Variants in GSN observed in about 807,000 individuals in gnomAD.
GSN encodes the protein actin-depolymerizing factor.
GSN carries 56 observed loss-of-function variants against 85.7 expected under a neutral mutation model. That is an observed-to-expected ratio of 0.65 (90% CI 0.53 to 0.82). GSN has a LOEUF of 0.82. Among genes scored for constraint, GSN ranks in the 40% least tolerant of loss-of-function variants. GSN has a pLI of 0.00. For synonymous variants in GSN, 373 were observed against 399.1 expected (o/e 0.93, Z 0.78); for missense variants, 857 against 979.8 (o/e 0.87, Z 1.67).
In GSN at chr9:121,293,902, A is replaced by T. The variant is rs187310849; in HGVS notation, c.-9-8061A>T. Among the ~76,000 whole-genome samples the T allele has an allele frequency of 1.5e-3, 229 of 152,266 alleles. 1 individual carries two copies. Among genetic ancestry groups the T allele is most frequent in the Middle Eastern group, 3.4e-3 (1 of 294 alleles). ...ATTCACACAACTACCCTAGGAAAAA[A>T]GTATTATAATCCCCGTTTTATAGAT... On this transcript the variant is annotated intron_variant, in intron 2 of 17. Coordinates refer to ENST00000432226, the MANE Select transcript of GSN (RefSeq NM_198252.3).
chr9:121,223,814 C>T (rs539219812), intron 4 of GSN, among the ~76,000 whole-genome samples: 41 of 151,916 alleles, frequency 2.7e-4, no homozygotes, highest in Non-Finnish European at 1.8e-4. Context: ...CGTGTGCCAC[C>T]ACGCCGGCTA....
chr9:121,323,313 A>G (rs1481923593), intron 11 of GSN, among the ~76,000 whole-genome samples: 6 of 151,420 alleles, frequency 4.0e-5, no homozygotes, highest in African/African-American at 1.5e-4. Flanking sequence ...GAACATTGAC[A>G]CAATACTACT....
intron 4 of GSN, among the ~76,000 whole-genome samples, chr9:121,221,450 C>G (rs2054168222): frequency 6.6e-6 from 1 of 152,212 alleles, no homozygotes; most frequent in Non-Finnish European, 1.5e-5. Context: ...TGAAGACTTT[C>G]TACAGTGCAG....
intron 2 of GSN, among the ~76,000 whole-genome samples, chr9:121,285,894 T>C (rs2132716734): frequency 6.6e-6 from 1 of 152,332 alleles, no homozygotes. Context: ...AGGCAGGTTC[T>C]TCCCCCCAAA....
At position 121,302,291 on chromosome 9, in the gene GSN, G is replaced by A. The variant is rs138484710; in HGVS notation, c.196+124G>A. 664 of 1,112,626 alleles carry A rather than the reference G, an allele frequency of 6.0e-4. 3 individuals carry two copies. The African/African-American group carries it at 8.5e-3, about 14-fold the overall frequency. The allele number at this position is 1,112,626 out of a possible 1,614,324, so 68.9% of individuals were successfully genotyped here. A position where few individuals can be genotyped will look rare whatever the true frequency, so the allele number is the denominator to read the frequency against. ...CTAGTATGTGCTGGGCCCTTGACTGGTGGTTCATGCCCTGAGACGCTAGAG... is the reference window on the plus strand; with the variant it reads ...CTAGTATGTGCTGGGCCCTTGACTGATGGTTCATGCCCTGAGACGCTAGAG... On this transcript the variant is annotated intron_variant, in intron 3 of 17. Coordinates refer to ENST00000432226, the MANE Select transcript of GSN (RefSeq NM_198252.3).
At chr9:121,326,438 TG>T in intron 12 of GSN, 73 bp from the exon 13 acceptor site, 1 of 1,218,838 alleles carries the variant, frequency 8.2e-7, no homozygotes, top group African/African-American at 1.5e-5. Context: ...TCTGGAGGGA[TG>T]GGCCCAGTGC....
intron 5 of GSN, among the ~76,000 whole-genome samples, chr9:121,235,590 C>T (rs1420438737): frequency 1.3e-5 from 2 of 152,200 alleles, no homozygotes; most frequent in South Asian, 2.1e-4. Context: ...TGGCCCAGAG[C>T]AGAAGGGCAG....
At chr9:121,201,515 G>C in the GSN span, 2 of 152,330 alleles carry the variant, frequency 1.3e-5, no homozygotes, top group Non-Finnish European at 2.9e-5. Flanking sequence ...ACGGCCTGAC[G>C]GGGCCTGGCC....
intron 2 of GSN, among the ~76,000 whole-genome samples, chr9:121,292,997 C>T (rs1302042285): frequency 1.3e-5 from 2 of 152,210 alleles, no homozygotes; most frequent in East Asian, 3.8e-4. Flanking sequence ...CACTTCCTGC[C>T]AGAGCCCAGC....
At position 121,302,143 on chromosome 9, in the gene GSN, C is replaced by T. The variant is rs1202456111; in HGVS notation, c.172C>T (p.Gln58Ter). 6.2e-7 allele frequency: 1 copy of T among 1,614,128 alleles called. No individual in the cohort carries two copies. Among genetic ancestry groups the T allele is most frequent in the Non-Finnish European group, 8.5e-7 (1 of 1,179,966 alleles). The stretch of plus-strand genomic sequence containing the variant: ...AGTGCAGCTGAGGAACGGAAATCTG[C>T]AGTATGACCTCCACTACTGGCTGGG... ...KTVQLRNGNLQYDLHYWLGNE... is the reference protein window; with the variant it reads ...KTVQLRNGNL Residue 58 changes from glutamine (Q) to a stop codon, truncating the protein, a stop_gained, in exon 3 of 18, where the codon CAG (glutamine) becomes TAG (stop). Coordinates refer to ENST00000432226, the MANE Select transcript of GSN (RefSeq NM_198252.3). LOFTEE classifies it high-confidence loss of function.
At chr9:121,234,314 C>T (rs933252164) in intron 5 of GSN, among the ~76,000 whole-genome samples, 1 of 152,226 alleles carries the variant, frequency 6.6e-6, no homozygotes, top group Non-Finnish European at 1.5e-5. Context: ...AGACACTTTG[C>T]AGTGCCTGCC....
At chr9:121,317,630 G>T (rs1415687687) in intron 8 of GSN, 3 of 293,462 alleles carry the variant, frequency 1.0e-5, no homozygotes, top group Non-Finnish European at 2.0e-5. Context: ...TCATGAAGAT[G>T]ATCTGGTTTG....
upstream of GSN, among the ~76,000 whole-genome samples, chr9:121,207,410 T>C (rs2053899323): frequency 6.6e-6 from 1 of 152,202 alleles, no homozygotes; most frequent in African/African-American, 2.4e-5. Flanking sequence ...AGAAGAACCC[T>C]GAGCTTAGGG....
At chr9:121,311,091 G>A (rs181213019) in intron 5 of GSN, 51 of 553,910 alleles carry the variant, frequency 9.2e-5, no homozygotes, top group Admixed American at 4.3e-4. Flanking sequence ...TCATATGTAC[G>A]TCTTGTGTCC....
chr9:121,326,717 G>A (rs1421989066), intron 13 of GSN, 35 bp downstream of exon 13: 15 of 1,582,868 alleles, frequency 9.5e-6, no homozygotes, highest in African/African-American at 2.7e-5. Context: ...GAAGGGATTG[G>A]CCTCCCTGAA....
intron 6 of GSN, among the ~76,000 whole-genome samples, chr9:121,249,904 G>A (rs2054781053): frequency 6.6e-6 from 1 of 152,206 alleles, no homozygotes; most frequent in Non-Finnish European, 1.5e-5. Context: ...TCAAGTGGCT[G>A]TTTCTTGAGA....
intron 2 of GSN, chr9:121,284,719 G>A (rs2057852715): frequency 6.0e-6 from 1 of 167,204 alleles, no homozygotes; most frequent in Admixed American, 6.5e-5. Flanking sequence ...TTGAATGCTG[G>A]GTTTCTATCC....
At chr9:121,282,421 T>C in intron 2 of GSN, 1 of 1,166,916 alleles carries the variant, frequency 8.6e-7, no homozygotes, top group South Asian at 3.3e-5. Flanking sequence ...ACCCACGCCA[T>C]CCCTTTTCTG....
At chr9:121,260,409 A>G (rs965124969) in intron 6 of GSN, among the ~76,000 whole-genome samples, 1 of 152,232 alleles carries the variant, frequency 6.6e-6, no homozygotes, top group African/African-American at 2.4e-5. Context: ...TGCACTGTGC[A>G]TTTTTGAAGA....
Sources: gnomAD v4.1 joint callset for allele counts (sites outside exome capture counted in the v4.1 genomes callset) on GRCh38, gnomAD v4.1.1 for gene constraint, MANE v1.5 for transcripts, NCBI Gene and HGNC (gene_info 2026-07-23, HGNC 2026-07-21) for gene names.